Variants in CSNK1G1 observed in about 807,000 individuals in gnomAD.
The protein encoded by CSNK1G1 is casein kinase I isoform gamma-1.
Under a neutral mutation model 59.6 loss-of-function variants are expected in CSNK1G1, and 22 were observed. The observed-to-expected ratio is 0.37, with a 90% confidence interval of 0.26 to 0.53. The LOEUF is 0.53. Among genes scored for constraint, CSNK1G1 ranks in the 20% least tolerant of loss-of-function variants. The pLI, the probability that CSNK1G1 is intolerant of heterozygous loss-of-function variation, is 0.89. For missense variants in CSNK1G1, 384 were observed against 519.5 expected, an observed-to-expected ratio of 0.74 and a Z score of 2.54; for synonymous variants, 179 against 177.1, an observed-to-expected ratio of 1.01 and a Z score of -0.08.
At chr15:64,184,571 G>A (rs1040555147) in intron 10 of CSNK1G1, among the ~76,000 whole-genome samples, 3 of 151,322 alleles carry the variant, frequency 2.0e-5, no homozygotes, top group Middle Eastern at 6.9e-3. Flanking sequence ...CAGCTACTCA[G>A]GAGGCTGAGG....
chr15:64,196,155 T>C (rs1489770139), intron 10 of CSNK1G1, among the ~76,000 whole-genome samples: 1 of 152,060 alleles, frequency 6.6e-6, no homozygotes, highest in Non-Finnish European at 1.5e-5. Context: ...AGGTCAAGGT[T>C]GCTGTGAGCT....
intron 1 of CSNK1G1, among the ~76,000 whole-genome samples, chr15:64,334,260 T>C (rs1695742857): frequency 6.6e-6 from 1 of 152,116 alleles, no homozygotes; most frequent in Non-Finnish European, 1.5e-5. Context: ...TTAAGTGATA[T>C]GCCTGCCTCA....
At chr15:64,172,523 CCT>C (rs997668123) in intron 11 of CSNK1G1, among the ~76,000 whole-genome samples, 4 of 152,154 alleles carry the variant, frequency 2.6e-5, no homozygotes, top group African/African-American at 4.8e-5. Context: ...TCTCCATCCC[CCT>C]CTCTGTCCTC....
chr15:64,289,777 G>T (rs935469806), intron 2 of CSNK1G1, among the ~76,000 whole-genome samples: 1 of 151,850 alleles, frequency 6.6e-6, no homozygotes, highest in African/African-American at 2.4e-5. Flanking sequence ...ACAAAAAACC[G>T]TATAACCTCA....
chr15:64,346,062 T>TAA, intron 1 of CSNK1G1, among the ~76,000 whole-genome samples: 1 of 152,090 alleles, frequency 6.6e-6, no homozygotes, highest in Non-Finnish European at 1.5e-5. Flanking sequence ...GTGCTGAGTG[T>TAA]GAGCCACTGC....
chr15:64,255,169 C>A (rs1350232449), intron 3 of CSNK1G1, among the ~76,000 whole-genome samples: 1 of 152,124 alleles, frequency 6.6e-6, no homozygotes, highest in Admixed American at 6.6e-5. Flanking sequence ...CTCCACCTCC[C>A]GGGTTCAAGC....
At chr15:64,224,571 C>G (rs2082432138) in intron 4 of CSNK1G1, among the ~76,000 whole-genome samples, 1 of 152,140 alleles carries the variant, frequency 6.6e-6, no homozygotes, top group Non-Finnish European at 1.5e-5. Context: ...AAAAATGTCT[C>G]TTTGCAACAT....
At chr15:64,265,800 C>A in intron 2 of CSNK1G1, 1 of 456,354 alleles carries the variant, frequency 2.2e-6, no homozygotes, top group South Asian at 1.5e-5. Context: ...AGAAAATTGG[C>A]CAGTCACAGT....
At chr15:64,302,302 T>C (rs532701033) in intron 1 of CSNK1G1, among the ~76,000 whole-genome samples, 1 of 152,228 alleles carries the variant, frequency 6.6e-6, no homozygotes, top group South Asian at 2.1e-4. Flanking sequence ...GGTTTCACCA[T>C]GTTGGCCAGG....
chr15:64,178,711 A>C (rs182353356), intron 11 of CSNK1G1, among the ~76,000 whole-genome samples: 1 of 151,710 alleles, frequency 6.6e-6, no homozygotes, highest in Non-Finnish European at 1.5e-5. Context: ...CAATCTCTTG[A>C]CCTTGTGATC....
intron 9 of CSNK1G1, among the ~76,000 whole-genome samples, chr15:64,204,091 C>T (rs1264989463): frequency 6.6e-6 from 1 of 151,720 alleles, no homozygotes; most frequent in Non-Finnish European, 1.5e-5. Flanking sequence ...TGCAGTGAGC[C>T]GAGATTGGCG....
chr15:64,307,712 A>T (rs1895754801), intron 1 of CSNK1G1, among the ~76,000 whole-genome samples: 1 of 152,008 alleles, frequency 6.6e-6, no homozygotes, highest in Non-Finnish European at 1.5e-5. Context: ...TTTGAGACGG[A>T]GTCTCGCTCT....
intron 4 of CSNK1G1, among the ~76,000 whole-genome samples, chr15:64,229,939 T>TTTTTTTTTTTTTTA (rs768405168): frequency 3.3e-5 from 4 of 121,544 alleles, no homozygotes; most frequent in East Asian, 2.3e-4. Flanking sequence ...TTTTTTTTTT[T>TTTTTTTTTTTTTTA]AAGACAGAAT....
intron 10 of CSNK1G1, among the ~76,000 whole-genome samples, chr15:64,186,853 T>G (rs561675369): frequency 2.7e-4 from 41 of 152,162 alleles, no homozygotes; most frequent in South Asian, 1.7e-3. Context: ...AGACGGAATC[T>G]CAGTCCATCA....
intron 2 of CSNK1G1, among the ~76,000 whole-genome samples, chr15:64,274,996 T>G (rs1893526707): frequency 6.6e-6 from 1 of 152,206 alleles, no homozygotes; most frequent in South Asian, 2.1e-4. Flanking sequence ...CCATGTCTAT[T>G]TAGGGCAAAG....
chr15:64,324,754 C>T (rs559602360), intron 1 of CSNK1G1, among the ~76,000 whole-genome samples: 187 of 152,302 alleles, frequency 1.2e-3, no homozygotes, highest in Non-Finnish European at 1.2e-3. Flanking sequence ...CTAGAGAACC[C>T]TGACTAATAC....
At chr15:64,215,584 T>C (rs2082302313) in intron 5 of CSNK1G1, among the ~76,000 whole-genome samples, 2 of 152,184 alleles carry the variant, frequency 1.3e-5, no homozygotes, top group Admixed American at 1.3e-4. Flanking sequence ...TCAAAGTCAA[T>C]TATCTAACAT....
In CSNK1G1 at chr15:64,165,883, C is replaced by G; in HGVS notation, c.*6048G>C. 2.0e-6 allele frequency: 1 copy of G among 502,120 alleles called. No homozygotes were observed. Among genetic ancestry groups the G allele is most frequent in the East Asian group, 3.2e-5 (1 of 30,796 alleles). The allele number at this position is 502,120 out of a possible 1,614,324, so 31.1% of individuals were successfully genotyped here. A position where few individuals can be genotyped will look rare whatever the true frequency, so the allele number is the denominator to read the frequency against. On this transcript the variant is annotated 3_prime_UTR_variant, in exon 12 of 12. Coordinates refer to ENST00000303052, the MANE Select transcript of CSNK1G1 (RefSeq NM_022048.5). ...AATGGGCTACTCTGAGATCACATAT[C>G]AGAACCCATTTTCCATTTTCTCCAA... is the stretch of plus-strand genomic sequence containing the variant.
rs564394393 is a variant in CSNK1G1 at position 64,283,942 on chromosome 15, G to GTTT, written c.181+16374_181+16376dup. On this transcript the variant is annotated intron_variant, in intron 2 of 11. Transcript: ENST00000303052. Reference sequence around the variant, plus strand: ...GGCAGTAAGATTCATCCTTATGTTTGTTTTTTTTAAGACTTTTATAGTTTT... The same window carrying GTTT: ...GGCAGTAAGATTCATCCTTATGTTTGTTTTTTTTTTTAAGACTTTTATAGTTTT... Among the ~76,000 whole-genome samples, 71 of 151,758 alleles carry GTTT rather than the reference G, an allele frequency of 4.7e-4. 1 individual carries two copies. Among genetic ancestry groups the GTTT allele is most frequent in the Admixed American group, 4.3e-3 (65 of 15,238 alleles).
Sources: allele counts gnomAD v4.1 joint callset (sites outside exome capture counted in the v4.1 genomes callset), GRCh38; gene constraint gnomAD v4.1.1; transcripts MANE v1.5; gene names NCBI Gene and HGNC (gene_info 2026-07-23, HGNC 2026-07-21).